Variants in PSD3 observed in about 807,000 individuals in gnomAD.
PSD3 encodes the protein pleckstrin and Sec7 domain containing 3, also known as PH and SEC7 domain-containing protein 3.
Under a neutral mutation model 105.5 loss-of-function variants are expected in PSD3, and 49 were observed. The observed-to-expected ratio is 0.46, with a 90% CI of 0.37 to 0.59. The LOEUF (loss-of-function observed/expected upper bound fraction) is 0.59. PSD3 is among the 20% of genes least tolerant of loss of function. PSD3 has a pLI of 0.00. For synonymous variants in PSD3, 557 were observed against 457.8 expected (o/e 1.22, Z -2.77); for missense variants, 1,561 against 1,263.8 (o/e 1.24, Z -3.57).
intron 1 of PSD3, among the ~76,000 whole-genome samples, chr8:19,040,573 T>A (rs1828088585): frequency 6.6e-6 from 1 of 152,146 alleles, no homozygotes; most frequent in African/African-American, 2.4e-5. Context: ...CTTGGCCTGA[T>A]TACATTTTAA....
intron 1 of PSD3, among the ~76,000 whole-genome samples, chr8:19,077,837 G>A (rs1829508322): frequency 6.6e-6 from 1 of 151,968 alleles, no homozygotes; most frequent in South Asian, 2.1e-4. Flanking sequence ...ACCCAATTCA[G>A]GGCATGTGGC....
At position 18,659,019 on chromosome 8, in the gene PSD3, T is replaced by A. The variant is rs187339278; in HGVS notation, c.2173-3334A>T. 3.3e-4 allele frequency among the ~76,000 whole-genome samples: 51 copies of A among 152,242 alleles called. 1 individual carries two copies. The highest frequency in any genetic ancestry group is 2.0e-3 in the Admixed American group (31 of 15,290). On this transcript the variant is annotated intron_variant, in intron 9 of 15. Coordinates refer to ENST00000327040, the MANE Select transcript of PSD3 (RefSeq NM_015310.4). Reference sequence around the variant, plus strand: ...CCAGCTCCAGTATGAAAGTTCCCAGTAGAGGTTCAGTTCACCTATCCTTCC... The same window carrying A: ...CCAGCTCCAGTATGAAAGTTCCCAGAAGAGGTTCAGTTCACCTATCCTTCC...
At chr8:18,823,750 A>C in intron 4 of PSD3, among the ~76,000 whole-genome samples, 1 of 149,508 alleles carries the variant, frequency 6.7e-6, no homozygotes, top group Non-Finnish European at 1.5e-5. Flanking sequence ...TCTCCTTACA[A>C]TTACACATGG....
At chr8:18,725,539 C>CA (rs756866307) in intron 9 of PSD3, among the ~76,000 whole-genome samples, 1 of 152,190 alleles carries the variant, frequency 6.6e-6, no homozygotes, top group Non-Finnish European at 1.5e-5. Flanking sequence ...ATCACCCTCC[C>CA]ACCTCATGTT....
intron 11 of PSD3, among the ~76,000 whole-genome samples, chr8:18,620,757 T>C (rs1173238103): frequency 6.6e-6 from 1 of 152,180 alleles, no homozygotes; most frequent in Non-Finnish European, 1.5e-5. Context: ...GATATTTCCA[T>C]TAACATTAGT....
intron 2 of PSD3, among the ~76,000 whole-genome samples, chr8:18,901,604 G>T (rs1402321231): frequency 1.3e-5 from 2 of 151,916 alleles, no homozygotes; most frequent in South Asian, 2.1e-4. Context: ...TCTCCTTTGT[G>T]TATCTGCTCC....
At chr8:18,896,453 G>T (rs546969556) in intron 2 of PSD3, among the ~76,000 whole-genome samples, 1 of 152,088 alleles carries the variant, frequency 6.6e-6, no homozygotes, top group African/African-American at 2.4e-5. Flanking sequence ...TCGCTCTGTC[G>T]TTCAGGCTGC....
intron 9 of PSD3, among the ~76,000 whole-genome samples, chr8:18,672,284 C>T (rs1345817247): frequency 6.6e-6 from 1 of 151,588 alleles, no homozygotes; most frequent in Non-Finnish European, 1.5e-5. Context: ...TTAACGTGCA[C>T]AGTTTATTAA....
intron 9 of PSD3, among the ~76,000 whole-genome samples, chr8:18,663,219 G>A (rs1228379718): frequency 6.6e-6 from 1 of 152,090 alleles, no homozygotes; most frequent in Admixed American, 6.5e-5. Context: ...TTGAGCCCAG[G>A]AGTTCGAAAC....
intron 1 of PSD3, among the ~76,000 whole-genome samples, chr8:19,065,749 C>A (rs967095302): frequency 1.3e-5 from 2 of 152,142 alleles, no homozygotes; most frequent in Non-Finnish European, 2.9e-5. Flanking sequence ...CAAGCCCTAA[C>A]CTTTTGAGTT....
At chr8:18,843,401 C>T (rs1814818946) in intron 4 of PSD3, among the ~76,000 whole-genome samples, 1 of 151,698 alleles carries the variant, frequency 6.6e-6, no homozygotes, top group Non-Finnish European at 1.5e-5. Flanking sequence ...AATCACCATA[C>T]CTAAACATCT....
chr8:19,014,271 G>T (rs960630533), upstream of PSD3: 1 of 152,274 alleles, frequency 6.6e-6, no homozygotes, highest in South Asian at 2.1e-4. The surrounding 1 kb of genome is among the most constrained non-coding windows in gnomAD (Gnocchi z 4.9). Flanking sequence ...CCCCGGCACC[G>T]ATCCGCGGCC....
chr8:18,598,284 T>C (rs1804186281), intron 12 of PSD3, among the ~76,000 whole-genome samples: 1 of 5,648 alleles, frequency 1.8e-4, no homozygotes, highest in Admixed American at 3.0e-3. Flanking sequence ...GGGGGAGGGA[T>C]AGCATTGGGA....
At chr8:18,612,962 A>G (rs990792099) in intron 11 of PSD3, among the ~76,000 whole-genome samples, 1 of 151,966 alleles carries the variant, frequency 6.6e-6, no homozygotes, top group African/African-American at 2.4e-5. Context: ...ACTGGCAGCC[A>G]TTACTAGACG....
At chr8:18,874,581 T>C (rs1004466284) in intron 2 of PSD3, among the ~76,000 whole-genome samples, 1 of 151,508 alleles carries the variant, frequency 6.6e-6, no homozygotes, top group Non-Finnish European at 1.5e-5. Context: ...ATTCTGCCTG[T>C]AATCCCAGCT....
chr8:18,565,205 T>C (rs959178272), intron 14 of PSD3, among the ~76,000 whole-genome samples: 2 of 152,166 alleles, frequency 1.3e-5, no homozygotes, highest in Admixed American at 6.5e-5. Flanking sequence ...GACATAGCTG[T>C]TGTGCACACT....
chr8:18,754,239 G>A (rs927281798), intron 9 of PSD3, among the ~76,000 whole-genome samples: 1 of 151,976 alleles, frequency 6.6e-6, no homozygotes, highest in African/African-American at 2.4e-5. Context: ...CAAAAATTAG[G>A]AGGGCGTGGT....
At chr8:19,056,501 G>A (rs2129477383) in intron 1 of PSD3, among the ~76,000 whole-genome samples, 1 of 152,304 alleles carries the variant, frequency 6.6e-6, no homozygotes, top group East Asian at 1.9e-4. Flanking sequence ...AAATGCATGG[G>A]CAAATGAAGA....
intron 1 of PSD3, among the ~76,000 whole-genome samples, chr8:18,980,590 A>T (rs773462375): frequency 6.6e-6 from 1 of 152,126 alleles, no homozygotes; most frequent in Non-Finnish European, 1.5e-5. Context: ...TGTGCTATTC[A>T]TCTCATCTAT....
Sources: gnomAD v4.1 joint callset for allele counts (sites outside exome capture counted in the v4.1 genomes callset) on GRCh38, gnomAD v4.1.1 for gene constraint, Gnocchi (gnomAD v3.1) non-coding constraint, MANE v1.5 for transcripts, NCBI Gene and HGNC (gene_info 2026-07-23, HGNC 2026-07-21) for gene names.